MNAT1: variants seen among roughly 807,000 people sequenced by gnomAD.
The protein encoded by MNAT1 is MNAT1 component of CDK activating kinase, also known as CDK-activating kinase assembly factor MAT1.
MNAT1 carries 43 observed loss-of-function variants against 42.0 expected under a neutral mutation model. The observed-to-expected ratio is 1.02, with a 90% confidence interval of 0.80 to 1.32. MNAT1 has a LOEUF of 1.32. Ranked by LOEUF, MNAT1 falls within the 40% of genes most tolerant of loss-of-function variation. The probability of loss-of-function intolerance (pLI) is 0.00; values close to 1 mark genes in which losing one functional copy is unlikely to be tolerated. For synonymous variants in MNAT1, 118 were observed against 120.0 expected (o/e 0.98, Z 0.11); for missense variants, 306 against 350.4 (o/e 0.87, Z 1.01).
At chr14:60,923,791 C>A (rs1291978720) in intron 7 of MNAT1, among the ~76,000 whole-genome samples, 4 of 152,026 alleles carry the variant, frequency 2.6e-5, no homozygotes, top group Non-Finnish European at 1.5e-5. Flanking sequence ...CCAGCTTGGG[C>A]AATATGGTGG....
At chr14:60,907,782 C>CAAAAAAA (rs71114166) in intron 7 of MNAT1, among the ~76,000 whole-genome samples, 1 of 77,570 alleles carries the variant, frequency 1.3e-5, no homozygotes, top group Non-Finnish European at 2.3e-5. Flanking sequence ...AACTGTGTCT[C>CAAAAAAA]AAAAAAAAAA....
chr14:60,938,187 C>G lies in MNAT1; in HGVS notation c.810-30042C>G, dbSNP rs145267620. Reference sequence around the variant, plus strand: ...TCATCTGCAAACAGGGACAATTTGGCTTCCTCTTTTCCTAATTGAATACCC... The same window carrying G: ...TCATCTGCAAACAGGGACAATTTGGGTTCCTCTTTTCCTAATTGAATACCC... On this transcript the variant is annotated intron_variant, in intron 7 of 7. Transcript: ENST00000261245. Among the ~76,000 whole-genome samples the G allele has an allele frequency of 5.1e-3, 782 of 152,302 alleles. 14 individuals are homozygous for G. The highest frequency in any genetic ancestry group is 0.018 in the African/African-American group (734 of 41,564).
chr14:60,918,509 A>G (rs2035582012), intron 7 of MNAT1, among the ~76,000 whole-genome samples: 2 of 151,364 alleles, frequency 1.3e-5, no homozygotes, highest in Non-Finnish European at 2.9e-5. Flanking sequence ...TGCCCGGCCA[A>G]TTGTTCATTT....
chr14:60,741,109 G>T (rs1336189753), intron 1 of MNAT1, among the ~76,000 whole-genome samples: 1 of 152,014 alleles, frequency 6.6e-6, no homozygotes, highest in Non-Finnish European at 1.5e-5. Flanking sequence ...GGCCCTCTTT[G>T]TCTCTTGTAA....
intron 6 of MNAT1, among the ~76,000 whole-genome samples, chr14:60,868,889 A>G (rs1301855373): frequency 1.3e-5 from 2 of 151,928 alleles, no homozygotes; most frequent in Non-Finnish European, 2.9e-5. Context: ...ACACAAGACT[A>G]TGTAACAAAA....
intron 6 of MNAT1, among the ~76,000 whole-genome samples, chr14:60,831,822 C>A (rs1478844454): frequency 6.6e-6 from 1 of 152,330 alleles, no homozygotes; most frequent in African/African-American, 2.4e-5. Flanking sequence ...TATTTCTCCA[C>A]ACCCTCTCTA....
chr14:60,796,079 A>T, intron 1 of MNAT1, 138 bp from the exon 2 acceptor site: 1 of 667,952 alleles, frequency 1.5e-6, no homozygotes, highest in Non-Finnish European at 2.2e-6. Flanking sequence ...ATTTTCCAGA[A>T]AGTTTTTTGG....
At chr14:60,856,496 C>G (rs2033961505) in intron 6 of MNAT1, among the ~76,000 whole-genome samples, 1 of 152,038 alleles carries the variant, frequency 6.6e-6, no homozygotes, top group South Asian at 2.1e-4. Flanking sequence ...AAGTTGCTAC[C>G]CGGAACAACA....
chr14:60,759,617 A>G (rs1214644616), intron 1 of MNAT1, among the ~76,000 whole-genome samples: 1 of 152,202 alleles, frequency 6.6e-6, no homozygotes, highest in African/African-American at 2.4e-5. Context: ...GAAATTGTTG[A>G]TGCTTTGAAT....
intron 7 of MNAT1, among the ~76,000 whole-genome samples, chr14:60,920,376 A>C (rs1267899781): frequency 1.3e-5 from 2 of 152,152 alleles, no homozygotes; most frequent in African/African-American, 4.8e-5. Flanking sequence ...ATAATAATGA[A>C]ATGTCTTTGT....
chr14:60,943,562 C>G (rs1408121993), intron 7 of MNAT1, among the ~76,000 whole-genome samples: 1 of 151,612 alleles, frequency 6.6e-6, no homozygotes, highest in Non-Finnish European at 1.5e-5. Flanking sequence ...AGTCAATTAT[C>G]TGTTCAGGCA....
intron 7 of MNAT1, among the ~76,000 whole-genome samples, chr14:60,954,982 T>C (rs1284538527): frequency 1.3e-5 from 2 of 152,194 alleles, no homozygotes; most frequent in Non-Finnish European, 2.9e-5. Context: ...GATGATCATA[T>C]GGTTTTTGTA....
chr14:60,911,371 G>T (rs2035356939), intron 7 of MNAT1, among the ~76,000 whole-genome samples: 1 of 152,052 alleles, frequency 6.6e-6, no homozygotes, highest in Non-Finnish European at 1.5e-5. Context: ...GCTAGCTTTT[G>T]AATGTGTTTG....
intron 7 of MNAT1, among the ~76,000 whole-genome samples, chr14:60,883,666 G>A (rs114202622): frequency 0.013 from 1,973 of 152,014 alleles, 43 homozygotes; most frequent in African/African-American, 0.045. Flanking sequence ...GATTGCTTTG[G>A]GTACTATGGC....
intron 6 of MNAT1, among the ~76,000 whole-genome samples, chr14:60,857,665 G>A (rs1227437543): frequency 6.6e-6 from 1 of 152,050 alleles, no homozygotes; most frequent in Admixed American, 6.5e-5. Flanking sequence ...ATGTTGGTTT[G>A]CTGTCCCCAT....
intron 7 of MNAT1, among the ~76,000 whole-genome samples, chr14:60,882,271 C>T (rs2034568070): frequency 6.6e-6 from 1 of 152,046 alleles, no homozygotes; most frequent in Non-Finnish European, 1.5e-5. Context: ...CTCTGGTGAC[C>T]TTCCTTCTAC....
chr14:60,850,418 A>G (rs1019552202), intron 6 of MNAT1, among the ~76,000 whole-genome samples: 7 of 152,216 alleles, frequency 4.6e-5, no homozygotes, highest in African/African-American at 1.7e-4. Flanking sequence ...TGAGTTGAGA[A>G]TGAGAACTAA....
chr14:60,775,164 A>G (rs1229107556), intron 1 of MNAT1, among the ~76,000 whole-genome samples: 1 of 152,152 alleles, frequency 6.6e-6, no homozygotes, highest in African/African-American at 2.4e-5. Flanking sequence ...GGTAATAGGA[A>G]AACTAGTTAA....
At chr14:60,824,990 TAAAACAATA>T (rs4151236) in intron 6 of MNAT1, among the ~76,000 whole-genome samples, 99,698 of 151,148 alleles carry the variant, frequency 0.66, 33,178 homozygotes, top group Admixed American at 0.72. Context: ...AATAGAAAAG[TAAAACAATA>T]AAAACATCCT....
Sources: gnomAD v4.1 joint callset for allele counts (sites outside exome capture counted in the v4.1 genomes callset) on GRCh38, gnomAD v4.1.1 for gene constraint, MANE v1.5 for transcripts, NCBI Gene and HGNC (gene_info 2026-07-23, HGNC 2026-07-21) for gene names.